CFAP299: variants seen among roughly 807,000 people sequenced by gnomAD.
The protein encoded by CFAP299 is cilia and flagella associated protein 299, also known as cilia- and flagella-associated protein 299.
Under a neutral mutation model 27.0 loss-of-function variants are expected in CFAP299, and 21 were observed. The ratio of observed to expected loss-of-function variants is 0.78; its 90% CI spans 0.55 to 1.12. CFAP299 has a LOEUF of 1.12. CFAP299 is among the 50% of genes most tolerant of loss of function. The pLI is 0.00. For synonymous variants in CFAP299, 104 were observed against 98.1 expected (o/e 1.06, Z -0.36); for missense variants, 310 against 276.6 (o/e 1.12, Z -0.86).
chr4:80,336,916 A>G (rs1180650639), intron 1 of CFAP299, among the ~76,000 whole-genome samples: 1 of 152,232 alleles, frequency 6.6e-6, no homozygotes, highest in Admixed American at 6.5e-5. Flanking sequence ...ACTGCATTTT[A>G]GTGGATTGAC....
chr4:80,944,125 T>C (rs1030474220), intron 4 of CFAP299, among the ~76,000 whole-genome samples: 1 of 151,826 alleles, frequency 6.6e-6, no homozygotes, highest in Non-Finnish European at 1.5e-5. Context: ...GAAGGCAATA[T>C]TGAAAAATAG....
At chr4:80,727,725 GTTATTA>G (rs757965243) in intron 3 of CFAP299, among the ~76,000 whole-genome samples, 4 of 151,820 alleles carry the variant, frequency 2.6e-5, no homozygotes, top group African/African-American at 7.2e-5. Flanking sequence ...TATTATTATT[GTTATTA>G]TTATTAAGGT....
chr4:80,364,393 C>T (rs942881979), intron 2 of CFAP299, among the ~76,000 whole-genome samples: 14 of 152,116 alleles, frequency 9.2e-5, no homozygotes, highest in African/African-American at 3.4e-4. Context: ...CCTCCAGCAA[C>T]AGTGGGTCAA....
At chr4:80,789,691 C>G (rs1482803005) in intron 3 of CFAP299, among the ~76,000 whole-genome samples, 5 of 151,940 alleles carry the variant, frequency 3.3e-5, no homozygotes, top group African/African-American at 9.7e-5. Context: ...AACAGAAGTA[C>G]AGAATAACAG....
At chr4:80,834,431 T>C (rs774768412) in intron 3 of CFAP299, among the ~76,000 whole-genome samples, 4 of 152,136 alleles carry the variant, frequency 2.6e-5, no homozygotes, top group Non-Finnish European at 5.9e-5. Flanking sequence ...CTGGTATAAT[T>C]AGGCTACTAT....
At chr4:80,388,870 C>G (rs1256977142) in intron 2 of CFAP299, among the ~76,000 whole-genome samples, 3 of 151,852 alleles carry the variant, frequency 2.0e-5, no homozygotes, top group African/African-American at 7.3e-5. Flanking sequence ...TTAAATTATT[C>G]TTGTAAGGCA....
At chr4:80,876,006 C>G (rs1039567486) in intron 4 of CFAP299, among the ~76,000 whole-genome samples, 1 of 151,908 alleles carries the variant, frequency 6.6e-6, no homozygotes, top group Non-Finnish European at 1.5e-5. Context: ...GGTTGAACTG[C>G]GTCAGTCTGA....
At chr4:80,834,011 G>T (rs1730435001) in intron 3 of CFAP299, among the ~76,000 whole-genome samples, 1 of 152,206 alleles carries the variant, frequency 6.6e-6, no homozygotes, top group Admixed American at 6.5e-5. Context: ...GAGTAAAAAG[G>T]TGAAGTTCCT....
intron 3 of CFAP299, among the ~76,000 whole-genome samples, chr4:80,787,641 G>A (rs1449756080): frequency 6.6e-6 from 1 of 151,916 alleles, no homozygotes; most frequent in Non-Finnish European, 1.5e-5. Flanking sequence ...TCAATTCCAA[G>A]CCCTTTTTAT....
intron 3 of CFAP299, among the ~76,000 whole-genome samples, chr4:80,807,974 C>T (rs1315635520): frequency 6.7e-6 from 1 of 150,066 alleles, no homozygotes; most frequent in African/African-American, 2.5e-5. Flanking sequence ...CAGAGAAAAC[C>T]AAGAAAATAA....
rs111622826 is a variant in CFAP299 at position 80,519,196 on chromosome 4, G to A, written c.243-63897G>A. ...TGTTAATATGTGTGTGTGTGTGTGT[G>A]TATGTGTGTGTGTGTGTGCATGTGT... On this transcript the variant is annotated intron_variant, in intron 2 of 5. Coordinates refer to ENST00000358105, the MANE Select transcript of CFAP299 (RefSeq NM_152770.3). Among the ~76,000 whole-genome samples, 196 of 125,648 alleles carry A rather than the reference G, an allele frequency of 1.6e-3. 2 individuals are homozygous for A. Among genetic ancestry groups the A allele is most frequent in the Middle Eastern group, 8.7e-3 (2 of 230 alleles). The allele number at this position is 125,648 out of a possible 152,430, so 82.4% of individuals were successfully genotyped here.
intron 2 of CFAP299, among the ~76,000 whole-genome samples, chr4:80,536,308 C>A (rs539316549): frequency 6.6e-6 from 1 of 152,052 alleles, no homozygotes; most frequent in Non-Finnish European, 1.5e-5. Context: ...GGATAGGAAC[C>A]CTTATATGCT....
intron 3 of CFAP299, among the ~76,000 whole-genome samples, chr4:80,690,069 C>G (rs1340756423): frequency 6.7e-6 from 1 of 148,968 alleles, no homozygotes; most frequent in African/African-American, 2.6e-5. Flanking sequence ...TACAAAGAGA[C>G]TTAGACTCCC....
At chr4:80,651,641 A>T (rs1740303850) in intron 3 of CFAP299, among the ~76,000 whole-genome samples, 1 of 151,418 alleles carries the variant, frequency 6.6e-6, no homozygotes, top group Non-Finnish European at 1.5e-5. Flanking sequence ...CTGGAATTAC[A>T]GGAATGAGCC....
rs375335044 is a variant in CFAP299, at chr4:80,451,575, T to G, written c.242+88691T>G. 3.3e-4 allele frequency among the ~76,000 whole-genome samples: 51 copies of G among 152,352 alleles called. No homozygotes were observed. In the South Asian group the frequency reaches 0.01, roughly 31 times the overall value. ...TGAAACAGTTTTGTCTAGTACACAG[T>G]ATGGTATTATCTACTGAAAATAACT... On this transcript the variant is annotated intron_variant, in intron 2 of 5. Transcript: ENST00000358105.
intron 3 of CFAP299, among the ~76,000 whole-genome samples, chr4:80,787,039 A>G (rs1393451554): frequency 6.6e-6 from 1 of 151,872 alleles, no homozygotes; most frequent in African/African-American, 2.4e-5. Flanking sequence ...GGGTTGAATG[A>G]TTAGAAAATA....
At chr4:80,611,295 T>C (rs1349202559) in intron 3 of CFAP299, among the ~76,000 whole-genome samples, 1 of 151,484 alleles carries the variant, frequency 6.6e-6, no homozygotes, top group East Asian at 1.9e-4. Flanking sequence ...CTTCCTGTTA[T>C]GTAATTGTTG....
chr4:80,477,582 T>C (rs527560519), intron 2 of CFAP299, among the ~76,000 whole-genome samples: 2 of 152,332 alleles, frequency 1.3e-5, no homozygotes, highest in African/African-American at 4.8e-5. Context: ...TACTAATATC[T>C]GTAATCCTTC....
At chr4:80,326,070 A>G in the CFAP299 span, among the ~76,000 whole-genome samples, 1 of 152,230 alleles carries the variant, frequency 6.6e-6, no homozygotes, top group Admixed American at 6.5e-5. Context: ...GCTGCATGTA[A>G]AGCAGTTCTT....
Sources: allele counts gnomAD v4.1 joint callset (sites outside exome capture counted in the v4.1 genomes callset), GRCh38; gene constraint gnomAD v4.1.1; transcripts MANE v1.5; gene names NCBI Gene and HGNC (gene_info 2026-07-23, HGNC 2026-07-21).